The following ARHGAP8 variants were observed in gnomAD, a reference collection of about 807,000 sequenced individuals.
ARHGAP8 encodes the protein rho GTPase-activating protein 8.
ARHGAP8 carries 62 observed loss-of-function variants against 46.1 expected under a neutral mutation model. That is an observed-to-expected ratio of 1.34 (90% confidence interval 1.10 to 1.66). The LOEUF (loss-of-function observed/expected upper bound fraction) is 1.66. Ranked by LOEUF, ARHGAP8 falls within the 40% of genes most tolerant of loss-of-function variation. ARHGAP8 has a pLI of 0.00. For missense variants in ARHGAP8, 923 were observed against 568.4 expected, an observed-to-expected ratio of 1.62 and a Z score of -6.34; for synonymous variants, 375 against 243.1, an observed-to-expected ratio of 1.54 and a Z score of -5.05.
At chr22:44,762,993 G>T (rs541983430) in intron 1 of ARHGAP8, among the ~76,000 whole-genome samples, 1 of 152,314 alleles carries the variant, frequency 6.6e-6, no homozygotes, top group African/African-American at 2.4e-5. Flanking sequence ...CCTTTGGGGA[G>T]GGGAGAGAGA....
chr22:44,845,420 G>C (rs1258111259), intron 8 of ARHGAP8, 78 bp downstream of exon 8: 48 of 1,595,662 alleles, frequency 3.0e-5, no homozygotes, highest in African/African-American at 8.1e-5. Context: ...CTTGGATCCT[G>C]AGCACCCACA....
intron 2 of ARHGAP8, among the ~76,000 whole-genome samples, chr22:44,798,204 C>T (rs772931076): frequency 7.9e-4 from 119 of 149,728 alleles, no homozygotes; most frequent in Admixed American, 7.4e-3. Context: ...TCGAACTCCT[C>T]ACCTAGGGTG....
intron 6 of ARHGAP8, 95 bp downstream of exon 6, chr22:44,822,564 C>A: frequency 8.8e-7 from 1 of 1,142,458 alleles, no homozygotes; most frequent in Non-Finnish European, 1.2e-6. Flanking sequence ...GCTTGATTTC[C>A]AAATGTGTGC....
At chr22:44,842,608 ACACT>A (rs1401028490) in intron 7 of ARHGAP8, among the ~76,000 whole-genome samples, 17 of 152,140 alleles carry the variant, frequency 1.1e-4, no homozygotes, top group Admixed American at 6.5e-5. Context: ...CCTCATCCTA[ACACT>A]CACTCACGTG....
intron 2 of ARHGAP8, among the ~76,000 whole-genome samples, chr22:44,791,661 A>C (rs1202316284): frequency 6.6e-6 from 1 of 152,090 alleles, no homozygotes; most frequent in African/African-American, 2.4e-5. Flanking sequence ...CCGAGATTGC[A>C]TCATTGCACT....
In ARHGAP8 at chr22:44,862,328, C is replaced by T. The variant is rs1601541816; in HGVS notation, c.1035C>T (p.Val345=). Reference sequence around the variant, plus strand: ...TGAACAGCTCTAACCTGGCCTGTGTCTTCGGGCTGAATTTGATCTGGCCAT... The same window carrying T: ...TGAACAGCTCTAACCTGGCCTGTGTTTTCGGGCTGAATTTGATCTGGCCAT... ...NKMNSSNLAC[V]FGLNLIWPSQ... is the part of the protein sequence containing the mutation. Residue 345 remains valine, a synonymous_variant, in exon 12 of 12, where the codon GTC becomes GTT. Coordinates refer to ENST00000356099, the MANE Select transcript of ARHGAP8 (RefSeq NM_181335.3). 1 of 1,613,886 alleles carries T rather than the reference C, an allele frequency of 6.2e-7. No individual in the cohort carries two copies. Among genetic ancestry groups the T allele is most frequent in the Non-Finnish European group, 8.5e-7 (1 of 1,179,864 alleles).
chr22:44,854,023 TCAAAAAAAAAAAA>T (rs1334602516), intron 10 of ARHGAP8, among the ~76,000 whole-genome samples: 1 of 24,898 alleles, frequency 4.0e-5, no homozygotes, highest in African/African-American at 1.5e-4. Flanking sequence ...AGACTCTGTC[TCAAAAAAAAAAAA>T]AAAAAAAAAA....
At position 44,759,894 on chromosome 22, in the gene ARHGAP8, T is replaced by A. The variant is rs945797475; in HGVS notation, c.-72+7267T>A. The stretch of plus-strand genomic sequence containing the variant: ...TGCAGGTGAGAGTTGCGCACCCGAA[T>A]GATCACCTGGGTGCCCTTGCGCAGG... On this transcript the variant is annotated intron_variant, in intron 1 of 11. Transcript: ENST00000356099. Among the ~76,000 whole-genome samples, 19 of 152,234 alleles carry A rather than the reference T, an allele frequency of 1.2e-4. 1 individual carries two copies. The highest frequency in any genetic ancestry group is 3.4e-4 in the African/African-American group (14 of 41,466).
intron 10 of ARHGAP8, among the ~76,000 whole-genome samples, chr22:44,858,058 C>T (rs748284326): frequency 1.3e-5 from 2 of 152,232 alleles, no homozygotes; most frequent in Admixed American, 6.5e-5. Context: ...TTGAAATACT[C>T]ATTTCAAGGG....
intron 1 of ARHGAP8, among the ~76,000 whole-genome samples, chr22:44,766,521 C>G (rs116307987): frequency 6.6e-6 from 1 of 151,450 alleles, no homozygotes; most frequent in African/African-American, 2.4e-5. Flanking sequence ...TGTCTGTGTG[C>G]GTGTGTCTGT....
At chr22:44,792,867 A>T (rs1401722877) in intron 2 of ARHGAP8, among the ~76,000 whole-genome samples, 1 of 150,502 alleles carries the variant, frequency 6.6e-6, no homozygotes, top group African/African-American at 2.4e-5. Context: ...TCTGTTGCTC[A>T]GGCTGGAGTG....
intron 11 of ARHGAP8, 75 bp from the exon 12 acceptor site, chr22:44,862,200 A>G (rs1022163010): frequency 3.3e-6 from 5 of 1,514,982 alleles, no homozygotes; most frequent in Admixed American, 2.0e-5. Flanking sequence ...GCCTCTCCCT[A>G]AGTTCGGGAG....
At chr22:44,823,773 A>G (rs1482454856) in intron 6 of ARHGAP8, among the ~76,000 whole-genome samples, 1 of 151,940 alleles carries the variant, frequency 6.6e-6, no homozygotes, top group African/African-American at 2.4e-5. Flanking sequence ...GATGAAATGG[A>G]CGGCATCTGT....
At chr22:44,859,867 C>G (rs757363027) in intron 11 of ARHGAP8, 33 bp downstream of exon 11, 5 of 1,605,792 alleles carry the variant, frequency 3.1e-6, no homozygotes, top group African/African-American at 2.7e-5. Context: ...TGGGGTGAAG[C>G]CCAGTGGCCT....
In ARHGAP8 at chr22:44,822,396, T is replaced by A. The variant is rs1930218049; in HGVS notation, c.412T>A (p.Tyr138Asn). The change falls in exon 6 of 12, where the codon TAT (tyrosine) becomes AAT (asparagine). Residue 138 changes from tyrosine (Y) to asparagine (N), a missense_variant. Transcript: ENST00000356099. ...TCACAAGTTTGGGAAGAAAGTCATC[T>A]ATTTCAACTACCTGAGTGAGCTCCA... Reference protein sequence around the residue: ...ISHKFGKKVIYFNYLSELHEH... With the variant: ...ISHKFGKKVINFNYLSELHEH... 7 of 1,584,142 alleles carry A rather than the reference T, an allele frequency of 4.4e-6. No homozygotes were observed. Among genetic ancestry groups the A allele is most frequent in the Non-Finnish European group, 6.0e-6 (7 of 1,170,388 alleles).
At chr22:44,860,490 A>C (rs973945954) in intron 11 of ARHGAP8, among the ~76,000 whole-genome samples, 5 of 151,782 alleles carry the variant, frequency 3.3e-5, no homozygotes, top group African/African-American at 4.9e-5. Flanking sequence ...ACCCCCTGCC[A>C]TATGTCACTG....
intron 1 of ARHGAP8, among the ~76,000 whole-genome samples, chr22:44,768,458 C>T (rs940609106): frequency 3.4e-5 from 5 of 145,516 alleles, no homozygotes; most frequent in African/African-American, 1.4e-4. Flanking sequence ...CACCACCACA[C>T]TTGGCTAATT....
chr22:44,808,809 CA>C (rs139346657), intron 4 of ARHGAP8: 134,736 of 316,844 alleles, frequency 0.43, 16,589 homozygotes, highest in African/African-American at 0.58. Context: ...AGTAAAAATA[CA>C]AAAAAAAAAA....
chr22:44,776,800 G>A (rs148547326), intron 1 of ARHGAP8, among the ~76,000 whole-genome samples: 1 of 152,230 alleles, frequency 6.6e-6, no homozygotes, highest in Non-Finnish European at 1.5e-5. Flanking sequence ...CTGGTGGCGG[G>A]GGTAGGGGTG....
Sources: gnomAD v4.1 joint callset for allele counts (sites outside exome capture counted in the v4.1 genomes callset) on GRCh38, gnomAD v4.1.1 for gene constraint, MANE v1.5 for transcripts, NCBI Gene and HGNC (gene_info 2026-07-23, HGNC 2026-07-21) for gene names.